Variants in SYCE1L observed in about 807,000 individuals in gnomAD.
SYCE1L encodes the protein synaptonemal complex central element protein 1-like.
SYCE1L carries 51 observed loss-of-function variants against 39.6 expected under a neutral mutation model. That is an observed-to-expected ratio of 1.29 (90% CI 1.03 to 1.63). The LOEUF is 1.63. Among genes scored for constraint, SYCE1L ranks in the 40% most tolerant of loss-of-function variants. SYCE1L has a pLI of 0.00. For synonymous variants in SYCE1L, 147 were observed against 122.4 expected (o/e 1.20, Z -1.33); for missense variants, 426 against 304.9 (o/e 1.40, Z -2.96).
rs970736561 is a variant in SYCE1L, at chr16:77,213,077, C to T, written c.*146C>T. The T allele has an allele frequency of 2.4e-6, 2 of 846,890 alleles. No individual in the cohort carries two copies. The highest frequency in any genetic ancestry group is 1.7e-5 in the African/African-American group (1 of 57,338). 52.5% of individuals were successfully genotyped at this position (846,890 alleles called of 1,614,324 possible). On this transcript the variant is annotated 3_prime_UTR_variant, in exon 11 of 11. Coordinates refer to ENST00000378644, the MANE Select transcript of SYCE1L (RefSeq NM_001129979.3). ...GCGTGCTGGGATCTCGAGGCGGGGC[C>T]TCTGCCGGACCCCTCCCACCAGTCG...
chr16:77,208,029 A>G (rs989006778), intron 2 of SYCE1L, among the ~76,000 whole-genome samples, 181 bp from the exon 3 acceptor site: 18 of 152,196 alleles, frequency 1.2e-4, no homozygotes, highest in African/African-American at 1.2e-4. Flanking sequence ...TCTTTGCTCA[A>G]TGTCCATCTT....
At chr16:77,210,355 C>T (rs1005923414) in intron 6 of SYCE1L, among the ~76,000 whole-genome samples, 8 of 152,118 alleles carry the variant, frequency 5.3e-5, no homozygotes, top group African/African-American at 1.9e-4. Context: ...TGAACTTTTA[C>T]CTAGCACACT....
At chr16:77,212,492 G>T in intron 9 of SYCE1L, 82 bp from the exon 10 acceptor site, 2 of 1,539,374 alleles carry the variant, frequency 1.3e-6, no homozygotes, top group Non-Finnish European at 1.7e-6. Flanking sequence ...GGCGTCGTCG[G>T]GTCTCCGCGT....
chr16:77,205,433 A>AATATATATATATATATATATATATGTAT (rs145238524), intron 1 of SYCE1L, among the ~76,000 whole-genome samples: 13 of 145,294 alleles, frequency 8.9e-5, no homozygotes, highest in African/African-American at 2.7e-4. Context: ...CATAGAAGTA[A>AATATATATATATATATATATATATGTAT]ATATATATAT....
At chr16:77,201,331 T>C (rs2054740340) in intron 1 of SYCE1L, 1 of 152,310 alleles carries the variant, frequency 6.6e-6, no homozygotes, top group South Asian at 2.1e-4. Flanking sequence ...AAAAAAATTT[T>C]AGTATCAACC....
rs926417678 is a variant in SYCE1L, at chr16:77,212,011, G to A, written c.424-119G>A. Reference sequence around the variant, plus strand: ...GAACTGCACATTGAGTTAATAAATAGTTGAATGAATGAATGACCTAATGTA... The same window carrying A: ...GAACTGCACATTGAGTTAATAAATAATTGAATGAATGAATGACCTAATGTA... On this transcript the variant is annotated intron_variant, in intron 7 of 10. Transcript: ENST00000378644. 3.5e-6 allele frequency: 4 copies of A among 1,155,750 alleles called. No individual in the cohort carries two copies. The African/African-American group carries it at 6.3e-5, about 18-fold the overall frequency. 71.6% of individuals were successfully genotyped at this position (1,155,750 alleles called of 1,614,324 possible).
chr16:77,211,158 C>A (rs1348171940), intron 6 of SYCE1L, 55 bp from the exon 7 acceptor site: 1 of 1,544,254 alleles, frequency 6.5e-7, no homozygotes, highest in Non-Finnish European at 8.8e-7. Context: ...GAGGAGCCCC[C>A]AACAGGGTGT....
intron 1 of SYCE1L, among the ~76,000 whole-genome samples, chr16:77,204,284 G>C (rs768640777): frequency 2.0e-5 from 3 of 152,172 alleles, no homozygotes; most frequent in African/African-American, 4.8e-5. Context: ...TGGTGTACTA[G>C]GTTAAATTGT....
chr16:77,207,420 A>G (rs1344656947), intron 2 of SYCE1L, among the ~76,000 whole-genome samples: 1 of 152,142 alleles, frequency 6.6e-6, no homozygotes, highest in Non-Finnish European at 1.5e-5. Flanking sequence ...AACAGGGGCT[A>G]TGAGAAGTTA....
At chr16:77,205,299 T>G (rs2054778338) in intron 1 of SYCE1L, among the ~76,000 whole-genome samples, 1 of 151,704 alleles carries the variant, frequency 6.6e-6, no homozygotes, top group Non-Finnish European at 1.5e-5. Flanking sequence ...TAGAGAGGCG[T>G]AGGTCACTGA....
At chr16:77,212,056 G>T in intron 7 of SYCE1L, 74 bp from the exon 8 acceptor site, 1 of 1,467,540 alleles carries the variant, frequency 6.8e-7, no homozygotes, top group Non-Finnish European at 9.1e-7. Flanking sequence ...TTCGCGAGAA[G>T]CACAAAAGGG....
rs1260189866 is a variant in SYCE1L at position 77,212,877 on chromosome 16, C to T, written c.675C>T (p.Arg225=). ...GEGEAGPELP[R]ARDEEDPEPP... Reference sequence around the variant, plus strand: ...GGCAGGCCGGACCTGAGCTCCCCCGCGCTCGCGACGAGGAGGATCCCGAGC... The same window carrying T: ...GGCAGGCCGGACCTGAGCTCCCCCGTGCTCGCGACGAGGAGGATCCCGAGC... The change falls in exon 11 of 11, where the codon CGC becomes CGT. Residue 225 remains arginine (R), a synonymous_variant. Transcript: ENST00000378644. 3.9e-6 allele frequency: 6 copies of T among 1,521,106 alleles called. No individual in the cohort carries two copies. The African/African-American group carries it at 4.2e-5, about 11-fold the overall frequency. 94.2% of individuals were successfully genotyped at this position (1,521,106 alleles called of 1,614,324 possible).
intron 7 of SYCE1L, among the ~76,000 whole-genome samples, chr16:77,211,772 A>G (rs1272781328): frequency 3.3e-5 from 5 of 152,162 alleles, no homozygotes; most frequent in Non-Finnish European, 5.9e-5. Flanking sequence ...TAAGCAAGTG[A>G]CATCTCAACG....
chr16:77,211,712 G>A (rs1394845595), intron 7 of SYCE1L, among the ~76,000 whole-genome samples: 7 of 152,188 alleles, frequency 4.6e-5, no homozygotes, highest in Non-Finnish European at 1.0e-4. Flanking sequence ...GACGGTGGAG[G>A]CACCAAGAAA....
chr16:77,199,435 A>T lies in SYCE1L; in HGVS notation c.-17A>T, dbSNP rs937536329. 1 of 1,551,324 alleles carries T rather than the reference A, an allele frequency of 6.4e-7. No individual in the cohort carries two copies. The highest frequency in any genetic ancestry group is 8.7e-7 in the Non-Finnish European group (1 of 1,146,826). ...CAGTCATCAAGCGAGGCTCGCGCGC[A>T]GGCCCCGCGTTGGAAAATGGCGGGG... On this transcript the variant is annotated 5_prime_UTR_variant, in exon 1 of 11. Coordinates refer to ENST00000378644, the MANE Select transcript of SYCE1L (RefSeq NM_001129979.3).
At position 77,209,463 on chromosome 16, in the gene SYCE1L, G is replaced by C. The variant is rs765072115; in HGVS notation, c.351G>C (p.Glu117Asp). Residue 117 changes from glutamate to aspartate, a missense_variant, in exon 6 of 11, where the codon GAG becomes GAC. Glu to Asp is a conservative substitution (Grantham distance 45). Coordinates refer to ENST00000378644, the MANE Select transcript of SYCE1L (RefSeq NM_001129979.3). ...TGCACTGCCAAGAGAAGGAAAGCGA[G>C]GCTCAGAGGTAAGAGGCCCTGCCTC... ...LQMHCQEKES[E>D]AQRLDVRGQL... The C allele has an allele frequency of 1.7e-5, 27 of 1,551,614 alleles. No individual in the cohort carries two copies. The South Asian group carries it at 3.0e-4, about 17-fold the overall frequency.
rs1418237257 is a variant in SYCE1L, at chr16:77,199,508, T to C, written c.57T>C (p.Ala19=). 2 of 1,551,228 alleles carry C rather than the reference T, an allele frequency of 1.3e-6. No homozygotes were observed. The highest frequency in any genetic ancestry group is 2.0e-5 in the Admixed American group (1 of 50,988). ...AGGCGCCAGAAGCTACTGAGGAGGC[T>C]GAAGGTAGTGAGGGCAAGTGGGCTG... is the stretch of plus-strand genomic sequence containing the variant. The part of the protein sequence containing the change: ...NVEAPEATEE[A]EGQAKSLKTE... The change falls in exon 1 of 11, where the codon GCT becomes GCC. Residue 19 remains alanine (A), a synonymous_variant. Coordinates refer to ENST00000378644, the MANE Select transcript of SYCE1L (RefSeq NM_001129979.3).
At position 77,209,431 on chromosome 16, in the gene SYCE1L, C is replaced by G; in HGVS notation, c.319C>G (p.Leu107Val). Residue 107 changes from leucine to valine, a missense_variant, in exon 6 of 11, where the codon CTC (leucine) becomes GTC (valine). Coordinates refer to ENST00000378644, the MANE Select transcript of SYCE1L (RefSeq NM_001129979.3). ...LGKKQEALRI[L>V]QMHCQEKESE... ...CTTCCCCACAGAGGCACTGAGGATC[C>G]TCCAGATGCACTGCCAAGAGAAGGA... 1 of 1,551,694 alleles carries G rather than the reference C, an allele frequency of 6.4e-7. No homozygotes were observed. The highest frequency in any genetic ancestry group is 8.7e-7 in the Non-Finnish European group (1 of 1,146,970).
Position 77,206,976 on chromosome 16 carries a change from C to G in SYCE1L, c.121+476C>G, listed in dbSNP as rs142877030. On this transcript the variant is annotated intron_variant, in intron 2 of 10. Transcript: ENST00000378644. Reference sequence around the variant, plus strand: ...CAGTGCTGGCCAGAGGTGAGACCCCCAGCCCATTCTCATCTTAAAATACTA... The same window carrying G: ...CAGTGCTGGCCAGAGGTGAGACCCCGAGCCCATTCTCATCTTAAAATACTA... 2.6e-5 allele frequency among the ~76,000 whole-genome samples: 4 copies of G among 152,300 alleles called. No individual in the cohort carries two copies. The East Asian group carries it at 7.7e-4, about 29-fold the overall frequency.
Sources: gnomAD v4.1 joint callset for allele counts (sites outside exome capture counted in the v4.1 genomes callset) on GRCh38, gnomAD v4.1.1 for gene constraint, MANE v1.5 for transcripts, NCBI Gene and HGNC (gene_info 2026-07-23, HGNC 2026-07-21) for gene names.